Variants in PTH2R observed in about 807,000 individuals in gnomAD.
PTH2R encodes parathyroid hormone 2 receptor, also known as PTH2 receptor.
PTH2R carries 59 observed loss-of-function variants against 60.3 expected under a neutral mutation model. That is an observed-to-expected ratio of 0.98 (90% confidence interval 0.79 to 1.22). The LOEUF is 1.22. Among genes scored for constraint, PTH2R ranks in the 50% most tolerant of loss-of-function variants. The pLI is 0.00. For missense variants in PTH2R, 749 were observed against 682.6 expected, an observed-to-expected ratio of 1.10 and a Z score of -1.08; for synonymous variants, 256 against 243.8, an observed-to-expected ratio of 1.05 and a Z score of -0.47.
chr2:208,493,925 T>TC lies in PTH2R; in HGVS notation c.*266_*267insC. ...TATTTGCTCTGTGATTGTTCATTTT[T>TC]TTCTGCTACTTTTGGGTAGAAAAAA... On this transcript the variant is annotated 3_prime_UTR_variant, in exon 13 of 13. Coordinates refer to ENST00000272847, the MANE Select transcript of PTH2R (RefSeq NM_005048.4). 3.3e-6 allele frequency: 1 copy of TC among 305,458 alleles called. No individual in the cohort carries two copies. The highest frequency in any genetic ancestry group is 5.5e-5 in the East Asian group (1 of 18,072). 18.9% of individuals were successfully genotyped at this position (305,458 alleles called of 1,614,324 possible). A position where few individuals can be genotyped will look rare whatever the true frequency, so the allele number is the denominator to read the frequency against.
chr2:208,387,532 T>C (rs1559204980), intron 1 of PTH2R, among the ~76,000 whole-genome samples: 1 of 152,186 alleles, frequency 6.6e-6, no homozygotes, highest in Admixed American at 6.5e-5. Context: ...TTTGATTCCC[T>C]TAGGAAAAAT....
intron 1 of PTH2R, among the ~76,000 whole-genome samples, chr2:208,393,188 T>C (rs1701140946): frequency 6.6e-6 from 1 of 152,150 alleles, no homozygotes; most frequent in Non-Finnish European, 1.5e-5. Context: ...CTCAGGAGGT[T>C]TTCTAGGGTG....
In PTH2R at chr2:208,437,626, A is replaced by G. The variant is rs753710072; in HGVS notation, c.268A>G (p.Ile90Val). 6 of 1,612,848 alleles carry G rather than the reference A, an allele frequency of 3.7e-6. No individual in the cohort carries two copies. The East Asian group carries it at 6.7e-5, about 18-fold the overall frequency. The change falls in exon 3 of 13, where the codon ATT becomes GTT. Residue 90 changes from isoleucine (I) to valine (V), a missense_variant. Ile to Val is a conservative substitution (Grantham distance 29, BLOSUM62 3). Transcript: ENST00000272847. Reference protein sequence around the residue: ...KISAVPCPPYIYDFNHKGVAF... With the variant: ...KISAVPCPPYVYDFNHKGVAF... ...ATCGGCTGTTCCATGCCCTCCTTAT[A>G]TTTATGACTTCAACCATAAAGGTAT...
intron 1 of PTH2R, among the ~76,000 whole-genome samples, chr2:208,396,902 A>G (rs995401740): frequency 6.6e-6 from 1 of 152,220 alleles, no homozygotes; most frequent in Admixed American, 6.5e-5. Flanking sequence ...ACTCGGAACC[A>G]ACCCAAATGT....
intron 1 of PTH2R, among the ~76,000 whole-genome samples, chr2:208,399,765 C>T (rs1457586990): frequency 6.6e-6 from 1 of 152,188 alleles, no homozygotes; most frequent in Non-Finnish European, 1.5e-5. Flanking sequence ...ACAACATCTT[C>T]TGAGTCCTAT....
At chr2:208,490,811 C>A in intron 12 of PTH2R, 131 bp downstream of exon 12, 3 of 833,488 alleles carry the variant, frequency 3.6e-6, no homozygotes, top group South Asian at 2.5e-5. Context: ...CTATTTTAAT[C>A]ATAAATTATT....
rs1250877593 is a variant in PTH2R at position 208,406,981 on chromosome 2, A to T, written c.-63A>T. The T allele has an allele frequency of 9.0e-6, 12 of 1,328,394 alleles. No individual in the cohort carries two copies. The highest frequency in any genetic ancestry group is 1.2e-5 in the Non-Finnish European group (12 of 1,021,440). The allele number at this position is 1,328,394 out of a possible 1,614,324, so 82.3% of individuals were successfully genotyped here. ...TTGCTCTGGGCCAGCCAAGTTGGCA[A>T]CTTGGAAGCTTCTCCCGGGCTCTGG... is the stretch of plus-strand genomic sequence containing the variant. On this transcript the variant is annotated 5_prime_UTR_variant, in exon 1 of 13. Transcript: ENST00000272847.
intron 1 of PTH2R, among the ~76,000 whole-genome samples, chr2:208,422,253 A>G (rs1173579692): frequency 1.3e-5 from 2 of 152,178 alleles, no homozygotes; most frequent in Non-Finnish European, 2.9e-5. Context: ...CGGGAGGGCA[A>G]TCGGCTTTGC....
chr2:208,493,388 G>A lies in PTH2R; in HGVS notation c.1382G>A (p.Ser461Asn). 6.2e-7 allele frequency: 1 copy of A among 1,610,066 alleles called. No individual in the cohort carries two copies. Among genetic ancestry groups the A allele is most frequent in the East Asian group, 2.2e-5 (1 of 44,778 alleles). ...ACCACCGTGACGCACAGCACCAGCAGCCAGTCACAGGTGGCGGCCAGCACA... is the reference window on the plus strand; with the variant it reads ...ACCACCGTGACGCACAGCACCAGCAACCAGTCACAGGTGGCGGCCAGCACA... ...VLTTVTHSTS[S>N]QSQVAASTRM... Residue 461 changes from serine to asparagine, a missense_variant, in exon 13 of 13, where the codon AGC becomes AAC. Physicochemically the swap from Ser to Asn is conservative, Grantham distance 46. Transcript: ENST00000272847.
chr2:208,400,936 T>C (rs1449265419), intron 1 of PTH2R, among the ~76,000 whole-genome samples: 2 of 152,208 alleles, frequency 1.3e-5, no homozygotes, highest in South Asian at 2.1e-4. Context: ...GCAAATTTCA[T>C]AGTAGACCTC....
intron 8 of PTH2R, among the ~76,000 whole-genome samples, chr2:208,457,461 G>A (rs189177057): frequency 1.3e-5 from 2 of 152,186 alleles, no homozygotes; most frequent in Admixed American, 6.5e-5. Flanking sequence ...TTTGGCTGTG[G>A]TATATTCTCC....
intron 1 of PTH2R, among the ~76,000 whole-genome samples, chr2:208,401,147 A>G (rs946992700): frequency 6.6e-6 from 1 of 152,250 alleles, no homozygotes; most frequent in African/African-American, 2.4e-5. Flanking sequence ...TGAAGAAATC[A>G]TTCATATTCC....
upstream of PTH2R, among the ~76,000 whole-genome samples, chr2:208,403,830 G>GC (rs1399932021): frequency 1.5e-4 from 23 of 152,188 alleles, no homozygotes; most frequent in African/African-American, 4.3e-4. Flanking sequence ...TTAGGATTGA[G>GC]ACCTGAGATC....
At chr2:208,491,842 G>A (rs1254171932) in intron 12 of PTH2R, among the ~76,000 whole-genome samples, 3 of 152,122 alleles carry the variant, frequency 2.0e-5, no homozygotes, top group Non-Finnish European at 2.9e-5. Context: ...TCTTATCAGT[G>A]TTTTATACTG....
chr2:208,470,458 A>G (rs1287348352), intron 9 of PTH2R, among the ~76,000 whole-genome samples: 1 of 152,100 alleles, frequency 6.6e-6, no homozygotes. Context: ...TAATTGAATC[A>G]TAGGGGCAGG....
chr2:208,445,039 C>A, intron 7 of PTH2R, 152 bp downstream of exon 7: 2 of 853,294 alleles, frequency 2.3e-6, no homozygotes, highest in Non-Finnish European at 3.5e-6. Flanking sequence ...TATTCTTAGA[C>A]AAAAATAATT....
chr2:208,430,461 A>ATT (rs933038888), intron 2 of PTH2R, among the ~76,000 whole-genome samples: 11 of 139,714 alleles, frequency 7.9e-5, no homozygotes, highest in Admixed American at 2.1e-4. Flanking sequence ...TAAAGATACC[A>ATT]TTTTTTTTTT....
At chr2:208,472,850 G>A (rs556690615) in intron 9 of PTH2R, among the ~76,000 whole-genome samples, 5 of 151,756 alleles carry the variant, frequency 3.3e-5, no homozygotes, top group African/African-American at 4.8e-5. Context: ...TAACTTTTAA[G>A]TAGGTATTTT....
At position 208,395,035 on chromosome 2, in the gene PTH2R, C is replaced by CT. The variant is rs1340509314; in HGVS notation, c.-258-33165dup. On this transcript the variant is annotated intron_variant, in intron 1 of 12. Transcript: ENST00000617735. ...CCTGTTCCCAGAAGAGGCCTAGAGT[C>CT]TGATTTCTTTTCTTTTTTATTTTTT... is the stretch of plus-strand genomic sequence containing the variant. Among the ~76,000 whole-genome samples, 7 of 151,802 alleles carry CT rather than the reference C, an allele frequency of 4.6e-5. No individual in the cohort carries two copies. In the East Asian group the frequency reaches 1.4e-3, roughly 30 times the overall value.
Sources: allele counts gnomAD v4.1 joint callset (sites outside exome capture counted in the v4.1 genomes callset), GRCh38; gene constraint gnomAD v4.1.1; transcripts MANE v1.5; gene names NCBI Gene and HGNC (gene_info 2026-07-23, HGNC 2026-07-21).